The following SGCZ variants were observed in gnomAD, a reference collection of about 807,000 sequenced individuals.
SGCZ encodes the protein zeta-sarcoglycan.
A neutral mutation model predicts 41.3 loss-of-function variants in SGCZ; 40 were observed. That is an observed-to-expected ratio of 0.97 (90% confidence interval 0.75 to 1.26). The LOEUF (loss-of-function observed/expected upper bound fraction) is 1.26, where lower values mean the gene tolerates loss of function less well. SGCZ is among the 50% of genes most tolerant of loss of function. The pLI is 0.00. For synonymous variants in SGCZ, 206 were observed against 137.5 expected (o/e 1.50, Z -3.49); for missense variants, 552 against 369.8 (o/e 1.49, Z -4.04).
chr8:15,186,350 T>C (rs568271677), intron 1 of SGCZ, among the ~76,000 whole-genome samples: 1 of 145,368 alleles, frequency 6.9e-6, no homozygotes, highest in Non-Finnish European at 1.5e-5. Flanking sequence ...TCTCCAAATA[T>C]AACGCTGATA....
chr8:15,146,832 C>G (rs1354986506), intron 1 of SGCZ, among the ~76,000 whole-genome samples: 3 of 151,974 alleles, frequency 2.0e-5, no homozygotes, highest in East Asian at 3.9e-4. Flanking sequence ...TATTAGCATC[C>G]TAATAAAGAT....
chr8:14,394,516 CAT>C, intron 2 of SGCZ, among the ~76,000 whole-genome samples: 1 of 152,266 alleles, frequency 6.6e-6, no homozygotes, highest in South Asian at 2.1e-4. Context: ...AATGATGACA[CAT>C]GTACATCTTG....
intron 4 of SGCZ, among the ~76,000 whole-genome samples, chr8:14,178,589 C>G (rs1462559452): frequency 1.3e-5 from 2 of 152,146 alleles, no homozygotes; most frequent in Admixed American, 1.3e-4. Flanking sequence ...TAATTTGATA[C>G]TATTGGTTAA....
At chr8:14,155,733 C>T (rs1357864026) in intron 5 of SGCZ, among the ~76,000 whole-genome samples, 1 of 150,954 alleles carries the variant, frequency 6.6e-6, no homozygotes, top group Admixed American at 6.6e-5. Context: ...TATACAAAGG[C>T]ATATATCTAA....
intron 5 of SGCZ, among the ~76,000 whole-genome samples, chr8:14,128,085 T>C (rs1003961423): frequency 1.3e-5 from 2 of 152,152 alleles, no homozygotes; most frequent in African/African-American, 2.4e-5. Context: ...CAGTCAAAAA[T>C]AACAGATTCT....
chr8:15,181,458 G>A (rs17609983), intron 1 of SGCZ, among the ~76,000 whole-genome samples: 5,723 of 152,090 alleles, frequency 0.038, 166 homozygotes, highest in East Asian at 0.1. Context: ...TCTTTTCAAC[G>A]TTTGCTTGGC....
chr8:14,116,560 C>T (rs368787402), intron 5 of SGCZ, among the ~76,000 whole-genome samples: 11 of 152,014 alleles, frequency 7.2e-5, no homozygotes, highest in Middle Eastern at 3.2e-3. Context: ...CAAGATAGTA[C>T]GACATGCATA....
chr8:14,913,219 A>C (rs1799328900), intron 1 of SGCZ, among the ~76,000 whole-genome samples: 1 of 152,140 alleles, frequency 6.6e-6, no homozygotes, highest in Non-Finnish European at 1.5e-5. Context: ...ATAACATTCA[A>C]AGACATATTT....
intron 2 of SGCZ, among the ~76,000 whole-genome samples, chr8:14,481,621 A>G (rs1369425884): frequency 6.6e-6 from 1 of 152,184 alleles, no homozygotes; most frequent in African/African-American, 2.4e-5. Context: ...ATTTTGTAAC[A>G]TCACTTGCCT....
intron 2 of SGCZ, among the ~76,000 whole-genome samples, chr8:14,424,084 A>G (rs1799709751): frequency 6.6e-6 from 1 of 152,198 alleles, no homozygotes; most frequent in African/African-American, 2.4e-5. Context: ...TAGGAGGTCA[A>G]TGAGTCTGCT....
intron 1 of SGCZ, among the ~76,000 whole-genome samples, chr8:14,709,329 C>T (rs145541797): frequency 6.6e-6 from 1 of 152,256 alleles, no homozygotes; most frequent in African/African-American, 2.4e-5. Context: ...CCAGAGAAAG[C>T]TACATGCCCC....
intron 1 of SGCZ, among the ~76,000 whole-genome samples, chr8:15,177,465 GACA>G (rs1800034112): frequency 6.6e-6 from 1 of 152,122 alleles, no homozygotes. Flanking sequence ...TGTAAATGTT[GACA>G]ACATCAACTA....
intron 3 of SGCZ, among the ~76,000 whole-genome samples, chr8:14,301,479 T>G (rs1801187804): frequency 6.6e-6 from 1 of 152,106 alleles, no homozygotes; most frequent in African/African-American, 2.4e-5. Context: ...TTTGCTGTTT[T>G]ATAGATTACA....
At position 14,659,738 on chromosome 8, in the gene SGCZ, T is replaced by C. The variant is rs543813304; in HGVS notation, c.40-104812A>G. 2.9e-4 allele frequency among the ~76,000 whole-genome samples: 44 copies of C among 152,276 alleles called. 1 individual carries two copies. The highest frequency in any genetic ancestry group is 1.0e-3 in the African/African-American group (43 of 41,560). On this transcript the variant is annotated intron_variant, in intron 1 of 7. Transcript: ENST00000382080. ...GAAATTCATGAAGCAATAGTGCTGA[T>C]ATTGATTAAATTGTCTCCCAGCAAT...
At chr8:14,288,900 G>T (rs560104882) in intron 3 of SGCZ, among the ~76,000 whole-genome samples, 1 of 152,202 alleles carries the variant, frequency 6.6e-6, no homozygotes, top group Non-Finnish European at 1.5e-5. Flanking sequence ...AACCAATAAT[G>T]TGTGAGTGTT....
At chr8:15,207,181 T>C (rs995450372) in intron 1 of SGCZ, among the ~76,000 whole-genome samples, 1 of 151,822 alleles carries the variant, frequency 6.6e-6, no homozygotes, top group South Asian at 2.1e-4. Context: ...GAAAAAGCTG[T>C]TTTTTTCCAG....
At chr8:14,294,886 A>G (rs1317585008) in intron 3 of SGCZ, among the ~76,000 whole-genome samples, 3 of 152,146 alleles carry the variant, frequency 2.0e-5, no homozygotes, top group African/African-American at 4.8e-5. Flanking sequence ...TAAAATGTCA[A>G]TAATAATAAT....
intron 2 of SGCZ, among the ~76,000 whole-genome samples, chr8:14,443,669 A>G (rs2117377350): frequency 6.6e-6 from 1 of 152,324 alleles, no homozygotes; most frequent in African/African-American, 2.4e-5. Context: ...TTCAAGATGG[A>G]TTAAAGACTG....
At chr8:14,350,951 C>T (rs994666664) in intron 2 of SGCZ, among the ~76,000 whole-genome samples, 27 of 152,036 alleles carry the variant, frequency 1.8e-4, no homozygotes, top group African/African-American at 6.3e-4. Context: ...GAGAGTTTTC[C>T]GTGTTGGATA....
Sources: gnomAD v4.1 joint callset for allele counts (sites outside exome capture counted in the v4.1 genomes callset) on GRCh38, gnomAD v4.1.1 for gene constraint, MANE v1.5 for transcripts, NCBI Gene and HGNC (gene_info 2026-07-23, HGNC 2026-07-21) for gene names.